Variants in SMYD4 observed in about 807,000 individuals in gnomAD.
The protein encoded by SMYD4 is protein-lysine N-methyltransferase SMYD4.
In SMYD4, 68 loss-of-function variants were observed where a neutral mutation model predicts 72.8. That is an observed-to-expected ratio of 0.93 (90% CI 0.77 to 1.14). The LOEUF is 1.14. SMYD4 is among the 50% of genes most tolerant of loss of function. The pLI is 0.00. For missense variants in SMYD4, 984 were observed against 1,003.7 expected (o/e 0.98, Z 0.27); for synonymous variants, 407 against 388.6 (o/e 1.05, Z -0.56).
chr17:1,783,330 C>T (rs542784266), intron 9 of SMYD4, 30 bp downstream of exon 9: 31 of 1,611,410 alleles, frequency 1.9e-5, no homozygotes, highest in South Asian at 2.2e-5. Flanking sequence ...AGACTGTTCC[C>T]GACGCAGAAC....
intron 5 of SMYD4, among the ~76,000 whole-genome samples, chr17:1,792,162 C>T (rs1419328369): frequency 1.3e-5 from 2 of 151,922 alleles, no homozygotes; most frequent in Admixed American, 1.3e-4. Flanking sequence ...CCTGCCTCAG[C>T]CTCCAGAGTA....
At chr17:1,812,943 G>C (rs968670253) in intron 2 of SMYD4, among the ~76,000 whole-genome samples, 6 of 53,278 alleles carry the variant, frequency 1.1e-4, no homozygotes, top group Non-Finnish European at 2.0e-4. Flanking sequence ...CATCATAAAA[G>C]ATTTTTTTTT....
intron 3 of SMYD4, among the ~76,000 whole-genome samples, chr17:1,807,750 G>C (rs1910118931): frequency 6.6e-6 from 1 of 152,170 alleles, no homozygotes; most frequent in Admixed American, 6.6e-5. Context: ...AATATGCGCA[G>C]AATGTTACTG....
intron 2 of SMYD4, among the ~76,000 whole-genome samples, chr17:1,821,455 T>C (rs1910886882): frequency 6.6e-6 from 1 of 151,934 alleles, no homozygotes; most frequent in African/African-American, 2.4e-5. Flanking sequence ...CGGAGGCTGC[T>C]GTGAGCCAAG....
At chr17:1,809,838 T>G (rs1284179345) in intron 3 of SMYD4, among the ~76,000 whole-genome samples, 1 of 151,728 alleles carries the variant, frequency 6.6e-6, no homozygotes, top group Non-Finnish European at 1.5e-5. Flanking sequence ...CCCGGCTAAT[T>G]TTTTGTATTT....
At position 1,799,970 on chromosome 17, in the gene SMYD4, G is replaced by A. The variant is rs1597379113; in HGVS notation, c.1424C>T (p.Ala475Val). Residue 475 changes from alanine to valine, a missense_variant, in exon 5 of 11, where the codon GCA (alanine) becomes GTA (valine). Coordinates refer to ENST00000305513, the MANE Select transcript of SMYD4 (RefSeq NM_052928.3). The part of the protein sequence containing the change: ...ERIVNSSQLK[A>V]AVTPELCPDV... ...AGGACACAATTCAGGTGTCACTGCTGCTTTAAGCTGAGAGGAGTTCACAAT... is the reference window on the plus strand; with the variant it reads ...AGGACACAATTCAGGTGTCACTGCTACTTTAAGCTGAGAGGAGTTCACAAT... 6.2e-7 allele frequency: 1 copy of A among 1,614,128 alleles called. No homozygotes were observed. The highest frequency in any genetic ancestry group is 8.5e-7 in the Non-Finnish European group (1 of 1,180,014).
At chr17:1,819,048 A>G (rs1389566738) in intron 2 of SMYD4, among the ~76,000 whole-genome samples, 4 of 151,924 alleles carry the variant, frequency 2.6e-5, no homozygotes, top group Non-Finnish European at 4.4e-5. Flanking sequence ...GGTTAGATTC[A>G]CATTAAACAA....
intron 2 of SMYD4, among the ~76,000 whole-genome samples, chr17:1,812,905 T>G (rs1910409752): frequency 6.6e-6 from 1 of 151,270 alleles, no homozygotes; most frequent in Non-Finnish European, 1.5e-5. Context: ...TCATAATTAT[T>G]GGCCAACGAA....
At chr17:1,804,099 A>T (rs1436053358) in intron 4 of SMYD4, among the ~76,000 whole-genome samples, 2 of 145,454 alleles carry the variant, frequency 1.4e-5, no homozygotes, top group Non-Finnish European at 3.0e-5. Flanking sequence ...ATGGTCTTGA[A>T]CTCCAGACCT....
At chr17:1,804,531 T>C (rs1419198142) in intron 4 of SMYD4, 95 bp downstream of exon 4, 1 of 1,076,550 alleles carries the variant, frequency 9.3e-7, no homozygotes, top group East Asian at 2.5e-5. Flanking sequence ...GACATGATTT[T>C]AGTGTTCTAT....
chr17:1,787,057 T>C, intron 6 of SMYD4, 84 bp from the exon 7 acceptor site: 1 of 1,512,372 alleles, frequency 6.6e-7, no homozygotes, highest in Non-Finnish European at 9.0e-7. Context: ...GCAGAGGGTC[T>C]GGACAATTAC....
intron 7 of SMYD4, among the ~76,000 whole-genome samples, chr17:1,785,809 G>C (rs1908657939): frequency 6.7e-6 from 1 of 149,990 alleles, no homozygotes; most frequent in Non-Finnish European, 1.5e-5. Flanking sequence ...AAAGGTGCTA[G>C]GTGCGATCGT....
At position 1,787,531 on chromosome 17, in the gene SMYD4, G is replaced by A; in HGVS notation, c.1611C>T (p.Leu537=). Residue 537 remains leucine, a synonymous_variant, in exon 6 of 11, where the codon CTC becomes CTT. Transcript: ENST00000305513. ...LATGIFPVIS[L]LNHSCSPNTS... Reference sequence around the variant, plus strand: ...TGTTGGGGCTACAGGAGTGGTTCAGGAGGCTGATAACAGGGAAGATGCCTG... The same window carrying A: ...TGTTGGGGCTACAGGAGTGGTTCAGAAGGCTGATAACAGGGAAGATGCCTG... 1.3e-6 allele frequency: 2 copies of A among 1,593,700 alleles called. No homozygotes were observed. The highest frequency in any genetic ancestry group is 1.7e-6 in the Non-Finnish European group (2 of 1,170,314).
chr17:1,803,875 G>A (rs1472290452), intron 4 of SMYD4, among the ~76,000 whole-genome samples: 2 of 140,948 alleles, frequency 1.4e-5, no homozygotes, highest in Admixed American at 7.3e-5. Context: ...GAGAAAGGGC[G>A]AGTTCAGTTA....
chr17:1,806,642 A>G (rs1279990620), intron 3 of SMYD4, among the ~76,000 whole-genome samples: 1 of 152,210 alleles, frequency 6.6e-6, no homozygotes, highest in Non-Finnish European at 1.5e-5. Context: ...AAGCAAAATA[A>G]AATTGATGGC....
At chr17:1,818,937 T>C (rs1222102867) in intron 2 of SMYD4, among the ~76,000 whole-genome samples, 1 of 151,836 alleles carries the variant, frequency 6.6e-6, no homozygotes, top group Non-Finnish European at 1.5e-5. Context: ...TGTGAGCCAC[T>C]GCACCTGGCC....
chr17:1,804,496 C>T (rs901931010), intron 4 of SMYD4, 130 bp downstream of exon 4: 9 of 807,036 alleles, frequency 1.1e-5, no homozygotes, highest in East Asian at 2.8e-5. Context: ...TATTAATGTG[C>T]TTCCAATTCA....
At chr17:1,794,310 G>A (rs1274931941) in intron 5 of SMYD4, among the ~76,000 whole-genome samples, 4 of 143,294 alleles carry the variant, frequency 2.8e-5, no homozygotes, top group African/African-American at 1.0e-4. Context: ...TAGTAGAGAC[G>A]GGGTTTCACC....
Position 1,787,514 on chromosome 17 carries a change from C to A in SMYD4, c.1628G>T (p.Ser543Ile), listed in dbSNP as rs1450418910. The change falls in exon 6 of 11, where the codon AGC becomes ATC. Residue 543 changes from serine to isoleucine, a missense_variant. By Grantham distance (142) the Ser-to-Ile change is moderately radical. Transcript: ENST00000305513. Reference sequence around the variant, plus strand: ...AATGAAGGACACGCTGGTGTTGGGGCTACAGGAGTGGTTCAGGAGGCTGAT... The same window carrying A: ...AATGAAGGACACGCTGGTGTTGGGGATACAGGAGTGGTTCAGGAGGCTGAT... ...PVISLLNHSC[S>I]PNTSVSFIST... is the part of the protein sequence containing the mutation. 2 of 1,587,876 alleles carry A rather than the reference C, an allele frequency of 1.3e-6. No individual in the cohort carries two copies. Among genetic ancestry groups the A allele is most frequent in the East Asian group, 2.3e-5 (1 of 43,920 alleles).
Sources: allele counts gnomAD v4.1 joint callset (sites outside exome capture counted in the v4.1 genomes callset), GRCh38; gene constraint gnomAD v4.1.1; transcripts MANE v1.5; gene names NCBI Gene and HGNC (gene_info 2026-07-23, HGNC 2026-07-21).